MACROD2: variants seen among roughly 807,000 people sequenced by gnomAD.
MACROD2 encodes mono-ADP ribosylhydrolase 2.
A neutral mutation model predicts 70.4 loss-of-function variants in MACROD2; 36 were observed. The ratio of observed to expected loss-of-function variants is 0.51; its 90% CI spans 0.39 to 0.68. MACROD2 has a LOEUF of 0.68. Ranked by LOEUF, MACROD2 falls within the 30% of genes least tolerant of loss-of-function variation. The pLI, the probability that MACROD2 is intolerant of heterozygous loss-of-function variation, is 0.00. For synonymous variants in MACROD2, 172 were observed against 178.8 expected (o/e 0.96, Z 0.30); for missense variants, 496 against 538.4 (o/e 0.92, Z 0.78).
chr20:14,709,212 A>G (rs771014368), intron 5 of MACROD2, among the ~76,000 whole-genome samples: 4 of 148,002 alleles, frequency 2.7e-5, no homozygotes, highest in Non-Finnish European at 4.5e-5. Context: ...TTTTTATATA[A>G]CACTAAAATA....
At chr20:14,982,171 G>C (rs990091273) in intron 5 of MACROD2, among the ~76,000 whole-genome samples, 3 of 152,150 alleles carry the variant, frequency 2.0e-5, no homozygotes, top group Non-Finnish European at 4.4e-5. Context: ...CTTTGAACTT[G>C]AGAGAGATGA....
At chr20:15,667,505 A>ATCTATCTATCTG (rs1381049006) in intron 8 of MACROD2, among the ~76,000 whole-genome samples, 1 of 135,034 alleles carries the variant, frequency 7.4e-6, no homozygotes, top group East Asian at 3.0e-4. Context: ...CTATGTATCT[A>ATCTATCTATCTG]TCTATCTATC....
chr20:14,997,396 A>G (rs1172455800), intron 5 of MACROD2, among the ~76,000 whole-genome samples: 1 of 152,004 alleles, frequency 6.6e-6, no homozygotes, highest in Non-Finnish European at 1.5e-5. Flanking sequence ...GCCTTAATAA[A>G]CATCAGTGGT....
At chr20:14,074,063 C>G (rs1207900100) in intron 2 of MACROD2, among the ~76,000 whole-genome samples, 2 of 152,102 alleles carry the variant, frequency 1.3e-5, no homozygotes, top group Non-Finnish European at 2.9e-5. Flanking sequence ...CCACCATCCC[C>G]CAGGCAACAT....
chr20:14,655,494 G>A (rs1233267842), intron 4 of MACROD2, among the ~76,000 whole-genome samples: 2 of 151,890 alleles, frequency 1.3e-5, no homozygotes, highest in Admixed American at 6.6e-5. Context: ...GTGTTTGGTC[G>A]GGTCTTGGTG....
chr20:14,563,980 G>A (rs62202889), intron 4 of MACROD2, among the ~76,000 whole-genome samples: 28,223 of 151,834 alleles, frequency 0.19, 3,341 homozygotes, highest in Non-Finnish European at 0.26. Context: ...AAACAGCATG[G>A]TACTGGTATA....
chr20:15,535,678 G>C (rs2047864800), intron 8 of MACROD2, among the ~76,000 whole-genome samples: 1 of 152,068 alleles, frequency 6.6e-6, no homozygotes, highest in South Asian at 2.1e-4. Flanking sequence ...ACCAAGGCAG[G>C]TGGTACTGCC....
At chr20:14,237,511 T>A (rs1370117421) in intron 3 of MACROD2, among the ~76,000 whole-genome samples, 1 of 151,594 alleles carries the variant, frequency 6.6e-6, no homozygotes, top group Non-Finnish European at 1.5e-5. Flanking sequence ...CTAAGTCTAA[T>A]TTATAGTTCT....
intron 5 of MACROD2, among the ~76,000 whole-genome samples, chr20:14,993,353 T>G (rs1308965110): frequency 6.6e-6 from 1 of 151,864 alleles, no homozygotes; most frequent in Non-Finnish European, 1.5e-5. Context: ...TTCTTGGAAG[T>G]GTGCCCCTGG....
chr20:14,151,811 C>CTTTTTTTTTTTT (rs144065987), intron 3 of MACROD2, among the ~76,000 whole-genome samples: 1 of 59,190 alleles, frequency 1.7e-5, no homozygotes, highest in Non-Finnish European at 3.0e-5. Context: ...TGTATTGTAT[C>CTTTTTTTTTTTT]TTTTTTTTTT....
intron 3 of MACROD2, among the ~76,000 whole-genome samples, chr20:14,129,986 A>T (rs1333734142): frequency 2.6e-5 from 4 of 152,206 alleles, no homozygotes. Context: ...GTTTTATAAA[A>T]GTTGTCTGGA....
intron 4 of MACROD2, among the ~76,000 whole-genome samples, chr20:14,578,921 C>G (rs1440745899): frequency 1.3e-5 from 2 of 152,054 alleles, no homozygotes; most frequent in Non-Finnish European, 2.9e-5. Context: ...TTTTTCTTCT[C>G]TAAATCTTCT....
intron 5 of MACROD2, among the ~76,000 whole-genome samples, chr20:15,175,009 A>G (rs2076449415): frequency 6.6e-6 from 1 of 152,012 alleles, no homozygotes; most frequent in African/African-American, 2.4e-5. Context: ...CTTTAGTTTA[A>G]TTAGATCCCA....
chr20:14,336,646 G>A (rs1332028625), intron 3 of MACROD2, among the ~76,000 whole-genome samples: 1 of 152,138 alleles, frequency 6.6e-6, no homozygotes, highest in Non-Finnish European at 1.5e-5. Flanking sequence ...CATACATCAG[G>A]CATAGCTTCC....
At chr20:14,856,508 AT>A (rs1041074919) in intron 5 of MACROD2, among the ~76,000 whole-genome samples, 4 of 152,186 alleles carry the variant, frequency 2.6e-5, no homozygotes, top group African/African-American at 9.6e-5. Flanking sequence ...TTGTTTTTCT[AT>A]TTTATTACAA....
At chr20:14,294,968 A>G (rs2082414978) in intron 3 of MACROD2, among the ~76,000 whole-genome samples, 2 of 151,716 alleles carry the variant, frequency 1.3e-5, no homozygotes, top group Admixed American at 1.3e-4. Flanking sequence ...CTGTGTCAGA[A>G]ACAGCCAGTC....
chr20:15,367,146 G>A (rs113726354), intron 6 of MACROD2, among the ~76,000 whole-genome samples: 2 of 151,200 alleles, frequency 1.3e-5, no homozygotes, highest in African/African-American at 4.9e-5. Context: ...TCCTGCCACA[G>A]CCTCCTGGGT....
chr20:15,867,932 G>T (rs1338353788), intron 9 of MACROD2, among the ~76,000 whole-genome samples: 5 of 152,232 alleles, frequency 3.3e-5, no homozygotes, highest in African/African-American at 1.2e-4. Flanking sequence ...ACATTCTGAG[G>T]CATTTTTGTT....
intron 3 of MACROD2, among the ~76,000 whole-genome samples, chr20:14,472,864 G>A (rs2084545717): frequency 3.3e-5 from 5 of 152,074 alleles, no homozygotes; most frequent in Admixed American, 3.3e-4. Context: ...AGGTGTTTTT[G>A]TGTATGTGTG....
Sources: gnomAD v4.1 joint callset for allele counts (sites outside exome capture counted in the v4.1 genomes callset) on GRCh38, gnomAD v4.1.1 for gene constraint, MANE v1.5 for transcripts, NCBI Gene and HGNC (gene_info 2026-07-23, HGNC 2026-07-21) for gene names.